NLRC5: variants seen among roughly 807,000 people sequenced by gnomAD.
NLRC5 encodes the protein protein NLRC5.
Under a neutral mutation model 206.9 loss-of-function variants are expected in NLRC5, and 114 were observed. That is an observed-to-expected ratio of 0.55 (90% CI 0.47 to 0.64). The LOEUF is 0.64. Among genes scored for constraint, NLRC5 ranks in the 30% least tolerant of loss-of-function variants. The probability of loss-of-function intolerance (pLI) is 0.00; values close to 1 mark genes in which losing one functional copy is unlikely to be tolerated. For missense variants in NLRC5, 2,008 were observed against 2,305.5 expected (o/e 0.87, Z 2.64); for synonymous variants, 952 against 962.8 (o/e 0.99, Z 0.21).
intron 32 of NLRC5, among the ~76,000 whole-genome samples, chr16:57,064,892 C>A (rs1328388535): frequency 4.0e-5 from 6 of 151,876 alleles, no homozygotes; most frequent in Non-Finnish European, 8.8e-5. Flanking sequence ...CCATTGCACT[C>A]CAGTCTGGGC....
At chr16:57,016,418 A>G (rs544655816) in intron 1 of NLRC5, among the ~76,000 whole-genome samples, 2 of 152,320 alleles carry the variant, frequency 1.3e-5, no homozygotes, top group South Asian at 4.1e-4. Flanking sequence ...TCACAGAGAC[A>G]CAATCAGAGC....
chr16:57,022,674 G>A (rs1486122039), intron 4 of NLRC5, among the ~76,000 whole-genome samples: 1 of 152,156 alleles, frequency 6.6e-6, no homozygotes, highest in Admixed American at 6.5e-5. Context: ...ACCCCCTCCC[G>A]ACTTGTACAC....
At position 57,035,969 on chromosome 16, in the gene NLRC5, G is replaced by A. The variant is rs1228662843; in HGVS notation, c.2628-131G>A. 4.0e-5 allele frequency: 32 copies of A among 808,670 alleles called. No homozygotes were observed. In the African/African-American group the frequency reaches 4.1e-4, roughly 10 times the overall value. The allele number at this position is 808,670 out of a possible 1,614,324, so 50.1% of individuals were successfully genotyped here. ...CCAGGCATGTGGTATGGAGTCTGTCGATTTCAGTTATTATCAAGGTTCATT... is the reference window on the plus strand; with the variant it reads ...CCAGGCATGTGGTATGGAGTCTGTCAATTTCAGTTATTATCAAGGTTCATT... On this transcript the variant is annotated intron_variant, in intron 13 of 48. Transcript: ENST00000688547.
chr16:57,075,558 C>G (rs1438079948), intron 39 of NLRC5, among the ~76,000 whole-genome samples: 3 of 152,140 alleles, frequency 2.0e-5, no homozygotes, highest in Non-Finnish European at 4.4e-5. Flanking sequence ...CGGGTGGTAT[C>G]AATTCTGGGG....
chr16:57,033,505 G>A, intron 11 of NLRC5, 99 bp from the exon 12 acceptor site: 1 of 1,129,734 alleles, frequency 8.9e-7, no homozygotes, highest in Non-Finnish European at 1.3e-6. Flanking sequence ...TTTGGGTTGT[G>A]CTTCAGGGTC....
At chr16:56,997,995 G>C (rs796521679) in intron 1 of NLRC5, among the ~76,000 whole-genome samples, 25 of 152,170 alleles carry the variant, frequency 1.6e-4, no homozygotes, top group African/African-American at 6.0e-4. Flanking sequence ...GACTTGTCCG[G>C]ATGTCAGCCT....
At position 57,069,854 on chromosome 16, in the gene NLRC5, G is replaced by T; in HGVS notation, c.4518G>T (p.Val1506=). Reference sequence around the variant, plus strand: ...CCACCAGGCTGACCTCCAGCTGTGTGAGCACCGAGGGCCTCGCCCACCTGG... The same window carrying T: ...CCACCAGGCTGACCTCCAGCTGTGTTAGCACCGAGGGCCTCGCCCACCTGG... The part of the protein sequence containing the change: ...LKTFRLTSSC[V]STEGLAHLAS... The change falls in exon 37 of 49, where the codon GTG becomes GTT. Residue 1506 remains valine, a synonymous_variant. Transcript: ENST00000688547. 1.2e-6 allele frequency: 2 copies of T among 1,604,082 alleles called. No individual in the cohort carries two copies. Among genetic ancestry groups the T allele is most frequent in the Non-Finnish European group, 1.7e-6 (2 of 1,176,126 alleles).
intron 28 of NLRC5, chr16:57,058,399 AC>A (rs764375633): frequency 3.1e-5 from 16 of 522,108 alleles, no homozygotes; most frequent in Middle Eastern, 5.1e-4. Flanking sequence ...AGGGTGACAC[AC>A]CCCTACAGCC....
At chr16:57,039,138 T>C (rs2062971707) in intron 15 of NLRC5, among the ~76,000 whole-genome samples, 1 of 152,076 alleles carries the variant, frequency 6.6e-6, no homozygotes, top group African/African-American at 2.4e-5. Flanking sequence ...AAGGACTCAC[T>C]CCAAAGGTTA....
At chr16:57,057,695 C>A (rs935081367) in intron 27 of NLRC5, among the ~76,000 whole-genome samples, 26 of 152,214 alleles carry the variant, frequency 1.7e-4, no homozygotes, top group East Asian at 7.7e-4. Context: ...GAGTGGTCAC[C>A]CGATATGGAA....
intron 1 of NLRC5, among the ~76,000 whole-genome samples, chr16:56,997,013 G>T (rs931661486): frequency 1.3e-5 from 2 of 152,080 alleles, no homozygotes; most frequent in African/African-American, 4.8e-5. Flanking sequence ...GGGACTATAG[G>T]TGCACACCAC....
chr16:57,008,495 T>C (rs186402933), intron 1 of NLRC5, among the ~76,000 whole-genome samples: 1 of 150,266 alleles, frequency 6.7e-6, no homozygotes, highest in East Asian at 1.9e-4. Flanking sequence ...TTTTTAAATG[T>C]TCATGAAATG....
intron 1 of NLRC5, among the ~76,000 whole-genome samples, 179 bp from the exon 2 acceptor site, chr16:57,016,895 C>G (rs56816073): frequency 5.9e-5 from 9 of 152,020 alleles, no homozygotes; most frequent in African/African-American, 2.2e-4. Flanking sequence ...CCCAGGGACA[C>G]AAGGAGCTGC....
chr16:57,032,229 C>G (rs1269104205), intron 11 of NLRC5, among the ~76,000 whole-genome samples: 1 of 151,404 alleles, frequency 6.6e-6, no homozygotes, highest in Non-Finnish European at 1.5e-5. Context: ...GGCAACATAG[C>G]AAGACCCCAT....
chr16:57,006,548 AT>A, intron 1 of NLRC5, among the ~76,000 whole-genome samples: 1 of 150,530 alleles, frequency 6.6e-6, no homozygotes, highest in Non-Finnish European at 1.5e-5. Flanking sequence ...GAGTGGCTGG[AT>A]GCTGCTTCTT....
Position 57,030,031 on chromosome 16 carries a change from C to G in NLRC5, c.2364C>G (p.Leu788=), listed in dbSNP as rs1300069034. Residue 788 remains leucine, a synonymous_variant, in exon 10 of 49, where the codon CTC becomes CTG. Transcript: ENST00000688547. ...SSNSICVSTL[L]CLARVAVTCP... is the part of the protein sequence containing the mutation. The stretch of plus-strand genomic sequence containing the variant: ...ACAGCATCTGCGTGTCAACCCTACT[C>G]TGCTTGGCAAGGGTGGCAGTCACGT... 3 of 1,614,066 alleles carry G rather than the reference C, an allele frequency of 1.9e-6. No homozygotes were observed. Among genetic ancestry groups the G allele is most frequent in the Non-Finnish European group, 2.5e-6 (3 of 1,180,040 alleles).
rs143322686 is a variant in NLRC5 at position 57,019,269 on chromosome 16, C to T, written c.-12-1432C>T. On this transcript the variant is annotated intron_variant, in intron 2 of 48. Transcript: ENST00000688547. ...AAAATTAGCTGGGCATTGTGGTGTG[C>T]ACCTGTAATCCCAGCTACTCGGGAG... Among the ~76,000 whole-genome samples the T allele has an allele frequency of 1.5e-3, 228 of 152,248 alleles. 2 individuals carry two copies. Among genetic ancestry groups the T allele is most frequent in the Non-Finnish European group, 2.5e-3 (172 of 68,012 alleles).
At chr16:57,065,348 T>G (rs1263573299) in intron 33 of NLRC5, 50 bp downstream of exon 33, 1 of 1,349,876 alleles carries the variant, frequency 7.4e-7, no homozygotes, top group South Asian at 1.4e-5. Flanking sequence ...TTCATAAGCA[T>G]TGGGACTTTT....
intron 8 of NLRC5, 125 bp downstream of exon 8, chr16:57,028,510 G>A: frequency 1.4e-6 from 1 of 738,584 alleles, no homozygotes; most frequent in South Asian, 1.6e-5. Flanking sequence ...ACCCAGAGAG[G>A]GAAGGCATCA....
Sources: allele counts gnomAD v4.1 joint callset (sites outside exome capture counted in the v4.1 genomes callset), GRCh38; gene constraint gnomAD v4.1.1; transcripts MANE v1.5; gene names NCBI Gene and HGNC (gene_info 2026-07-23, HGNC 2026-07-21).